IRX5: variants seen among roughly 807,000 people sequenced by gnomAD.
IRX5 encodes iroquois homeobox 5.
IRX5 carries 8 observed loss-of-function variants against 37.6 expected under a neutral mutation model. The ratio of observed to expected loss-of-function variants is 0.21; its 90% CI spans 0.12 to 0.38. The LOEUF (loss-of-function observed/expected upper bound fraction) is 0.38. Ranked by LOEUF, IRX5 falls within the 10% of genes least tolerant of loss-of-function variation. IRX5 has a pLI of 1.00. For missense variants in IRX5, 635 were observed against 695.2 expected (o/e 0.91, Z 0.97); for synonymous variants, 359 against 328.6 (o/e 1.09, Z -1.00).
rs760174440 is a variant in IRX5 at position 54,932,885 on chromosome 16, C to T, written c.637C>T (p.Pro213Ser). Residue 213 changes from proline (P) to serine (S), a missense_variant, in exon 2 of 3, where the codon CCC becomes TCC. Physicochemically the swap from Pro to Ser is moderately conservative, Grantham distance 74. This residue lies in a region of IRX5 where 244 missense variants were observed against 205.4 expected (regional missense o/e 1.19). Coordinates refer to ENST00000394636, the MANE Select transcript of IRX5 (RefSeq NM_005853.6). This position sits in a 1 kb window ranked among gnomAD's most constrained non-coding sequence, Gnocchi z 6.7. ...EPQKPEDKGD[P>S]EGPEAGGAEQ... ...CCAGAAGCCCGAGGACAAGGGCGAC[C>T]CCGAGGGCCCCGAAGCAGGTTGGTG... 55 of 1,610,764 alleles carry T rather than the reference C, an allele frequency of 3.4e-5. 1 individual carries two copies. The Middle Eastern group carries it at 5.0e-4, about 15-fold the overall frequency.
intron 1 of IRX5, among the ~76,000 whole-genome samples, chr16:54,931,723 A>C (rs1309290689): frequency 3.3e-5 from 5 of 152,226 alleles, no homozygotes; most frequent in Non-Finnish European, 7.3e-5. Flanking sequence ...ATTTGGTGTA[A>C]ACGTAAGCTC....
Position 54,931,211 on chromosome 16 carries a change from C to G in IRX5, c.13C>G (p.Gln5Glu). MSYP[Q>E]GYLYQPSASL... ...CCCGTGTGTGGCCATGTCCTATCCG[C>G]AGGGCTACTTGTACCAGCCGTCCGC... The change falls in exon 1 of 3, where the codon CAG becomes GAG. Residue 5 changes from glutamine to glutamate, a missense_variant. Physicochemically the swap from Gln to Glu is conservative, Grantham distance 29. Coordinates refer to ENST00000394636, the MANE Select transcript of IRX5 (RefSeq NM_005853.6). 6.2e-7 allele frequency: 1 copy of G among 1,609,462 alleles called. No individual in the cohort carries two copies. Among genetic ancestry groups the G allele is most frequent in the Non-Finnish European group, 8.5e-7 (1 of 1,178,512 alleles).
In IRX5 at chr16:54,932,500, C is replaced by T. The variant is rs1441463589; in HGVS notation, c.252C>T (p.Gly84=). The T allele has an allele frequency of 1.2e-6, 2 of 1,607,152 alleles. No homozygotes were observed. The highest frequency in any genetic ancestry group is 1.7e-5 in the Admixed American group (1 of 59,602). Residue 84 remains glycine (G), a splice_region_variant and synonymous_variant, in exon 2 of 3, where the codon GGC becomes GGT. Transcript: ENST00000394636. The surrounding 1 kb of genome is among the most constrained non-coding windows in gnomAD (Gnocchi z 6.7). The stretch of plus-strand genomic sequence containing the variant: ...ACCTCTCTGCGTCTCCACCGCAGGG[C>T]TCTCCCTACGACCACACACCCGGCA... ...AAAAAFSSYV[G]SPYDHTPGMA... is the part of the protein sequence containing the mutation.
rs1487012204 is a variant in IRX5, at chr16:54,933,107, G to A, written c.686G>A (p.Cys229Tyr). The change falls in exon 3 of 3, where the codon TGC (cysteine) becomes TAC (tyrosine). Residue 229 changes from cysteine to tyrosine, a missense_variant. Physicochemically the swap from Cys to Tyr is radical, Grantham distance 194 (BLOSUM62 -2). This residue lies in a region of IRX5 where 244 missense variants were observed against 205.4 expected (regional missense o/e 1.19). Transcript: ENST00000394636. The part of the protein sequence containing the change: ...GGAEQKAASG[C>Y]ERLQGPPTPA... The stretch of plus-strand genomic sequence containing the variant: ...GCTGAGCAGAAGGCGGCTTCGGGCT[G>A]CGAACGGCTTCAGGGACCACCCACC... 5.7e-6 allele frequency: 9 copies of A among 1,590,490 alleles called. No individual in the cohort carries two copies. The South Asian group carries it at 7.8e-5, about 14-fold the overall frequency.
In IRX5 at chr16:54,934,047, A is replaced by C. The variant is rs1133610; in HGVS notation, c.*174A>C. 410,315 of 512,142 alleles carry C rather than the reference A, an allele frequency of 0.8. 165,618 individuals are homozygous for C. Among genetic ancestry groups the C allele is most frequent in the East Asian group, 0.97 (29,046 of 29,846 alleles). 31.7% of individuals were successfully genotyped at this position (512,142 alleles called of 1,614,324 possible). On this transcript the variant is annotated 3_prime_UTR_variant, in exon 3 of 3. Coordinates refer to ENST00000394636, the MANE Select transcript of IRX5 (RefSeq NM_005853.6). ...AAAAATGTAAACATCTCCACACAAA[A>C]AAAAAAATGTCTTAACCAACCGAAA...
In IRX5 at chr16:54,932,083, CT is replaced by C. The variant is rs2142352962; in HGVS notation, c.250-413del. ...TGAAAAAAGAAAAAAAGAGCCTTGACTTCCCTTGTTTTCCCCCCTTGCGCCC... is the reference window on the plus strand; with the variant it reads ...TGAAAAAAGAAAAAAAGAGCCTTGACTCCCTTGTTTTCCCCCCTTGCGCCC... On this transcript the variant is annotated intron_variant, in intron 1 of 2. Coordinates refer to ENST00000394636, the MANE Select transcript of IRX5 (RefSeq NM_005853.6). This position sits in a 1 kb window ranked among gnomAD's most constrained non-coding sequence, Gnocchi z 6.7. 1.4e-6 allele frequency: 1 copy of C among 702,854 alleles called. No individual in the cohort carries two copies. The highest frequency in any genetic ancestry group is 1.5e-5 in the South Asian group (1 of 67,604). The allele number at this position is 702,854 out of a possible 1,614,324, so 43.5% of individuals were successfully genotyped here. A position where few individuals can be genotyped will look rare whatever the true frequency, so the allele number is the denominator to read the frequency against.
rs760722595 is a variant in IRX5 at position 54,932,161 on chromosome 16, C to G, written c.250-337C>G. On this transcript the variant is annotated intron_variant, in intron 1 of 2. Coordinates refer to ENST00000394636, the MANE Select transcript of IRX5 (RefSeq NM_005853.6). This position sits in a 1 kb window ranked among gnomAD's most constrained non-coding sequence, Gnocchi z 6.7. The stretch of plus-strand genomic sequence containing the variant: ...GCGGAGTCGCCTCAGTTGCCCAGGC[C>G]TCTATCTGCATGGAGGGCCGGGCCG... 15 of 702,818 alleles carry G rather than the reference C, an allele frequency of 2.1e-5. No individual in the cohort carries two copies. In the South Asian group the frequency reaches 2.2e-4, roughly 10 times the overall value. The allele number at this position is 702,818 out of a possible 1,614,324, so 43.5% of individuals were successfully genotyped here. A position where few individuals can be genotyped will look rare whatever the true frequency, so the allele number is the denominator to read the frequency against.
chr16:54,933,571 C>G lies in IRX5; in HGVS notation c.1150C>G (p.Arg384Gly). 6.2e-7 allele frequency: 1 copy of G among 1,608,564 alleles called. No individual in the cohort carries two copies. Among genetic ancestry groups the G allele is most frequent in the Non-Finnish European group, 8.5e-7 (1 of 1,177,304 alleles). The part of the protein sequence containing the change: ...SRASPAPAPS[R>G]SPSAQCPFPG... ...GGCGTCGCCGGCCCCGGCGCCGTCACGCTCGCCCTCGGCGCAGTGTCCTTT... is the reference window on the plus strand; with the variant it reads ...GGCGTCGCCGGCCCCGGCGCCGTCAGGCTCGCCCTCGGCGCAGTGTCCTTT... The change falls in exon 3 of 3, where the codon CGC (arginine) becomes GGC (glycine). Residue 384 changes from arginine (R) to glycine (G), a missense_variant. By Grantham distance (125) the Arg-to-Gly change is moderately radical. Around this residue, in one of 5 missense-constraint regions of IRX5, gnomAD observed 188 missense variants for 200.8 expected, o/e 0.94. Transcript: ENST00000394636.
rs1490271287 is a variant in IRX5, at chr16:54,931,920, T to C, written c.249+473T>C. 17 of 611,900 alleles carry C rather than the reference T, an allele frequency of 2.8e-5. No individual in the cohort carries two copies. The East Asian group carries it at 4.4e-4, about 16-fold the overall frequency. The allele number at this position is 611,900 out of a possible 1,614,324, so 37.9% of individuals were successfully genotyped here. A position where few individuals can be genotyped will look rare whatever the true frequency, so the allele number is the denominator to read the frequency against. On this transcript the variant is annotated intron_variant, in intron 1 of 2. Transcript: ENST00000394636. ...TCTTCGCAATCCGATTTGGGAGTAT[T>C]AAATTTCTGAAAAGTCGGTCGAGCT...
chr16:54,933,628 T>C lies in IRX5; in HGVS notation c.1207T>C (p.Tyr403His). 1 of 1,610,730 alleles carries C rather than the reference T, an allele frequency of 6.2e-7. No individual in the cohort carries two copies. The highest frequency in any genetic ancestry group is 8.5e-7 in the Non-Finnish European group (1 of 1,177,570). The change falls in exon 3 of 3, where the codon TAC becomes CAC. Residue 403 changes from tyrosine to histidine, a missense_variant. Around this residue, in one of 5 missense-constraint regions of IRX5, gnomAD observed 188 missense variants for 200.8 expected, o/e 0.94. Transcript: ENST00000394636. Reference protein sequence around the residue: ...PGGTVLSRPLYYTAPFYPGYT... With the variant: ...PGGTVLSRPLHYTAPFYPGYT... The stretch of plus-strand genomic sequence containing the variant: ...CGGGACGGTGCTGTCCCGGCCTCTC[T>C]ACTACACCGCGCCCTTCTATCCCGG...
rs1325919968 is a variant in IRX5, at chr16:54,932,105, C to T, written c.250-393C>T. ...TGACTTCCCTTGTTTTCCCCCCTTG[C>T]GCCCAACGTGCGTCCGCTCCCCCGC... On this transcript the variant is annotated intron_variant, in intron 1 of 2. Coordinates refer to ENST00000394636, the MANE Select transcript of IRX5 (RefSeq NM_005853.6). The surrounding 1 kb of genome is among the most constrained non-coding windows in gnomAD (Gnocchi z 6.7). The T allele has an allele frequency of 5.7e-6, 4 of 702,742 alleles. No homozygotes were observed. The Admixed American group carries it at 6.0e-5, about 11-fold the overall frequency. The allele number at this position is 702,742 out of a possible 1,614,324, so 43.5% of individuals were successfully genotyped here. A position where few individuals can be genotyped will look rare whatever the true frequency, so the allele number is the denominator to read the frequency against.
Position 54,933,123 on chromosome 16 carries a change from A to G in IRX5, c.702A>G (p.Gly234=). The G allele has an allele frequency of 6.3e-7, 1 of 1,587,790 alleles. No individual in the cohort carries two copies. The highest frequency in any genetic ancestry group is 8.5e-7 in the Non-Finnish European group (1 of 1,173,508). The part of the protein sequence containing the change: ...KAASGCERLQ[G]PPTPAGKETE... Reference sequence around the variant, plus strand: ...CTTCGGGCTGCGAACGGCTTCAGGGACCACCCACCCCTGCAGGCAAGGAGA... The same window carrying G: ...CTTCGGGCTGCGAACGGCTTCAGGGGCCACCCACCCCTGCAGGCAAGGAGA... The change falls in exon 3 of 3, where the codon GGA becomes GGG. Residue 234 remains glycine, a synonymous_variant. Coordinates refer to ENST00000394636, the MANE Select transcript of IRX5 (RefSeq NM_005853.6).
Position 54,931,291 on chromosome 16 carries a change from C to T in IRX5, c.93C>T (p.Pro31=). The change falls in exon 1 of 3, where the codon CCC becomes CCT. Residue 31 remains proline, a synonymous_variant. Coordinates refer to ENST00000394636, the MANE Select transcript of IRX5 (RefSeq NM_005853.6). ...PAYSTSVISG[P]RTDELGRSSS... ...ACAGCACCAGCGTCATTTCGGGGCCCCGCACGGATGAGCTCGGCCGCTCTT... is the reference window on the plus strand; with the variant it reads ...ACAGCACCAGCGTCATTTCGGGGCCTCGCACGGATGAGCTCGGCCGCTCTT... 1.2e-6 allele frequency: 2 copies of T among 1,612,642 alleles called. No individual in the cohort carries two copies. Among genetic ancestry groups the T allele is most frequent in the African/African-American group, 2.7e-5 (2 of 75,020 alleles).
rs1963909362 is a variant in IRX5 at position 54,932,419 on chromosome 16, C to A, written c.250-79C>A. ...GTCCACCCACAGACCCCGGGGAGCGCAGGGAAAAGGGTGCTTCGGTCGTTC... is the reference window on the plus strand; with the variant it reads ...GTCCACCCACAGACCCCGGGGAGCGAAGGGAAAAGGGTGCTTCGGTCGTTC... On this transcript the variant is annotated intron_variant, in intron 1 of 2. Coordinates refer to ENST00000394636, the MANE Select transcript of IRX5 (RefSeq NM_005853.6). This position sits in a 1 kb window ranked among gnomAD's most constrained non-coding sequence, Gnocchi z 6.7. 1 of 1,487,024 alleles carries A rather than the reference C, an allele frequency of 6.7e-7. No homozygotes were observed. 92.1% of individuals were successfully genotyped at this position (1,487,024 alleles called of 1,614,324 possible).
chr16:54,932,265 G>T lies in IRX5; in HGVS notation c.250-233G>T. ...ACGGGGTGACACCGAGGCCGGGACA[G>T]CTTCAGGGGCCCCAGAAGGACCTGA... is the stretch of plus-strand genomic sequence containing the variant. On this transcript the variant is annotated intron_variant, in intron 1 of 2. Transcript: ENST00000394636. This position sits in a 1 kb window ranked among gnomAD's most constrained non-coding sequence, Gnocchi z 6.7. 6.0e-6 allele frequency: 4 copies of T among 667,206 alleles called. No homozygotes were observed. In the Admixed American group the frequency reaches 9.7e-5, roughly 16 times the overall value. 41.3% of individuals were successfully genotyped at this position (667,206 alleles called of 1,614,324 possible). A position where few individuals can be genotyped will look rare whatever the true frequency, so the allele number is the denominator to read the frequency against.
chr16:54,934,100 A>G lies in IRX5; in HGVS notation c.*227A>G, dbSNP rs1963941399. On this transcript the variant is annotated 3_prime_UTR_variant, in exon 3 of 3. Coordinates refer to ENST00000394636, the MANE Select transcript of IRX5 (RefSeq NM_005853.6). The stretch of plus-strand genomic sequence containing the variant: ...AAAAATTAAAAAAGGATTTGTATTA[A>G]ATCTTATTCTGTATATTTAATGTAG... 1 of 387,430 alleles carries G rather than the reference A, an allele frequency of 2.6e-6. No individual in the cohort carries two copies. Among genetic ancestry groups the G allele is most frequent in the South Asian group, 9.6e-5 (1 of 10,384 alleles). The allele number at this position is 387,430 out of a possible 1,614,324, so 24.0% of individuals were successfully genotyped here. A position where few individuals can be genotyped will look rare whatever the true frequency, so the allele number is the denominator to read the frequency against.
intron 1 of IRX5, among the ~76,000 whole-genome samples, chr16:54,931,848 C>T (rs1177849671): frequency 1.3e-5 from 2 of 152,182 alleles, no homozygotes; most frequent in African/African-American, 2.4e-5. Flanking sequence ...ATGTGTTTGG[C>T]CTAGCCTTTA....
Position 54,932,252 on chromosome 16 carries a change from C to T in IRX5, c.250-246C>T, listed in dbSNP as rs542024928. The T allele has an allele frequency of 6.3e-5, 43 of 680,986 alleles. No homozygotes were observed. Among genetic ancestry groups the T allele is most frequent in the African/African-American group, 4.4e-4 (25 of 56,196 alleles). The allele number at this position is 680,986 out of a possible 1,614,324, so 42.2% of individuals were successfully genotyped here. The stretch of plus-strand genomic sequence containing the variant: ...CAGATGGGGGCCTACGGGGTGACAC[C>T]GAGGCCGGGACAGCTTCAGGGGCCC... On this transcript the variant is annotated intron_variant, in intron 1 of 2. Coordinates refer to ENST00000394636, the MANE Select transcript of IRX5 (RefSeq NM_005853.6). The surrounding 1 kb of genome is among the most constrained non-coding windows in gnomAD (Gnocchi z 6.7).
rs866231074 is a variant in IRX5 at position 54,931,790 on chromosome 16, A to T, written c.249+343A>T. Among the ~76,000 whole-genome samples the T allele has an allele frequency of 1.1e-4, 17 of 152,356 alleles. 1 individual carries two copies. The South Asian group carries it at 1.4e-3, about 13-fold the overall frequency. On this transcript the variant is annotated intron_variant, in intron 1 of 2. Coordinates refer to ENST00000394636, the MANE Select transcript of IRX5 (RefSeq NM_005853.6). ...TTTGCCATTTTGGAAAAGTAGTTCA[A>T]AAGAAATAGACTCGAAATTTGAGCA... is the stretch of plus-strand genomic sequence containing the variant.
Sources: allele counts gnomAD v4.1 joint callset (sites outside exome capture counted in the v4.1 genomes callset), GRCh38; gene constraint gnomAD v4.1.1; regional missense constraint gnomAD v4.1.1; non-coding constraint Gnocchi (gnomAD v3.1); transcripts MANE v1.5; gene names NCBI Gene and HGNC (gene_info 2026-07-23, HGNC 2026-07-21).